GALNTL6: variants seen among roughly 807,000 people sequenced by gnomAD.
GALNTL6 encodes polypeptide N-acetylgalactosaminyltransferase-like 6.
Under a neutral mutation model 73.7 loss-of-function variants are expected in GALNTL6, and 46 were observed. That is an observed-to-expected ratio of 0.62 (90% CI 0.49 to 0.80). The LOEUF (loss-of-function observed/expected upper bound fraction) is 0.80. GALNTL6 is among the 30% of genes least tolerant of loss of function. The pLI is 0.00. For synonymous variants in GALNTL6, 259 were observed against 263.7 expected (o/e 0.98, Z 0.17); for missense variants, 604 against 755.0 (o/e 0.80, Z 2.34).
At chr4:171,839,500 A>C (rs1735187580) in intron 2 of GALNTL6, among the ~76,000 whole-genome samples, 1 of 152,026 alleles carries the variant, frequency 6.6e-6, no homozygotes, top group South Asian at 2.1e-4. Context: ...TAGTTTCTAC[A>C]TGTGTGTTGG....
intron 2 of GALNTL6, among the ~76,000 whole-genome samples, chr4:172,220,651 C>A (rs906397777): frequency 2.0e-5 from 3 of 151,782 alleles, no homozygotes; most frequent in African/African-American, 7.2e-5. Flanking sequence ...GAGCTTAAAA[C>A]ACCAACTCAG....
intron 5 of GALNTL6, among the ~76,000 whole-genome samples, chr4:172,499,892 G>T (rs1311465942): frequency 4.6e-5 from 7 of 152,106 alleles, no homozygotes; most frequent in Admixed American, 4.6e-4. Context: ...AATGAACGTA[G>T]GCATAGGGAA....
chr4:172,257,327 G>A (rs989728121), intron 3 of GALNTL6, among the ~76,000 whole-genome samples: 6 of 151,246 alleles, frequency 4.0e-5, no homozygotes, highest in South Asian at 2.1e-4. Context: ...AAAATCTACG[G>A]TCCTACTCAA....
Position 172,855,904 on chromosome 4 carries a change from G to A in GALNTL6, c.924-26886G>A, listed in dbSNP as rs189407568. On this transcript the variant is annotated intron_variant, in intron 7 of 12. Transcript: ENST00000506823. ...TGCAGCAAACGTCCCACTGTCTGTG[G>A]TGCAATCGACATAGGTCAACTTGTT... Among the ~76,000 whole-genome samples the A allele has an allele frequency of 2.3e-4, 35 of 152,294 alleles. No homozygotes were observed. The East Asian group carries it at 5.8e-3, about 25-fold the overall frequency.
intron 5 of GALNTL6, among the ~76,000 whole-genome samples, chr4:172,758,879 C>T (rs936508101): frequency 6.6e-6 from 1 of 152,200 alleles, no homozygotes; most frequent in Non-Finnish European, 1.5e-5. Context: ...CAGGCATCCA[C>T]TGGGATCTTG....
intron 10 of GALNTL6, among the ~76,000 whole-genome samples, chr4:172,979,101 G>A (rs576090591): frequency 1.3e-5 from 2 of 152,326 alleles, no homozygotes; most frequent in East Asian, 3.9e-4. Flanking sequence ...GGTACTAATA[G>A]TGGGTGTTGG....
At chr4:171,876,126 G>A (rs377736717) in intron 2 of GALNTL6, among the ~76,000 whole-genome samples, 15 of 152,004 alleles carry the variant, frequency 9.9e-5, no homozygotes, top group East Asian at 3.9e-4. Flanking sequence ...TTCAATAAAC[G>A]GATTCTTAGC....
intron 5 of GALNTL6, among the ~76,000 whole-genome samples, chr4:172,786,478 A>G (rs11939302): frequency 0.53 from 79,989 of 151,592 alleles, 21,713 homozygotes; most frequent in East Asian, 0.77. Context: ...TAATTTAAAA[A>G]ATTCTTTAAT....
At chr4:172,388,015 G>A (rs1743532274) in intron 5 of GALNTL6, among the ~76,000 whole-genome samples, 1 of 152,010 alleles carries the variant, frequency 6.6e-6, no homozygotes, top group Admixed American at 6.6e-5. Context: ...TCATCACAAA[G>A]TATAGTTACT....
chr4:173,007,572 C>T (rs561120916), intron 10 of GALNTL6, among the ~76,000 whole-genome samples: 1 of 151,968 alleles, frequency 6.6e-6, no homozygotes, highest in Admixed American at 6.5e-5. Flanking sequence ...TTTGGGAGGC[C>T]GAGGCAGGTG....
At chr4:172,039,282 A>G (rs1426466570) in intron 2 of GALNTL6, among the ~76,000 whole-genome samples, 1 of 152,174 alleles carries the variant, frequency 6.6e-6, no homozygotes, top group African/African-American at 2.4e-5. Context: ...TCAATGTGGT[A>G]TATTTTACAT....
intron 10 of GALNTL6, among the ~76,000 whole-genome samples, chr4:172,971,647 G>A (rs1750589104): frequency 6.6e-6 from 1 of 152,188 alleles, no homozygotes. Flanking sequence ...AATAGTTATA[G>A]CCAACTTTAG....
intron 5 of GALNTL6, among the ~76,000 whole-genome samples, chr4:172,658,325 G>A (rs1429048596): frequency 6.7e-6 from 1 of 149,540 alleles, no homozygotes; most frequent in East Asian, 2.0e-4. Flanking sequence ...AAATTAGCCG[G>A]GCGTGGTGGC....
intron 5 of GALNTL6, among the ~76,000 whole-genome samples, chr4:172,490,403 A>G (rs1184138352): frequency 6.6e-6 from 1 of 152,158 alleles, no homozygotes; most frequent in Non-Finnish European, 1.5e-5. Context: ...AATAATTTCT[A>G]ATATGTTACT....
At chr4:172,972,566 C>T (rs927911130) in intron 10 of GALNTL6, among the ~76,000 whole-genome samples, 5 of 152,190 alleles carry the variant, frequency 3.3e-5, no homozygotes, top group Non-Finnish European at 7.3e-5. Context: ...GTGAGCACAC[C>T]TAGCTCTCAA....
At chr4:172,612,513 A>G (rs1241108225) in intron 5 of GALNTL6, among the ~76,000 whole-genome samples, 1 of 151,764 alleles carries the variant, frequency 6.6e-6, no homozygotes, top group Non-Finnish European at 1.5e-5. Context: ...TCACAAACCT[A>G]CTCTTGAGTC....
At position 172,571,970 on chromosome 4, in the gene GALNTL6, C is replaced by A. The variant is rs181372949; in HGVS notation, c.553+223281C>A. Among the ~76,000 whole-genome samples, 136 of 152,240 alleles carry A rather than the reference C, an allele frequency of 8.9e-4. 2 individuals are homozygous for A. The highest frequency in any genetic ancestry group is 2.2e-4 in the Non-Finnish European group (15 of 68,002). On this transcript the variant is annotated intron_variant, in intron 5 of 12. Coordinates refer to ENST00000506823, the MANE Select transcript of GALNTL6 (RefSeq NM_001034845.3). ...CTGATCCTCCTTGAATGTGCTTTTC[C>A]CCCGTATTGTCAAATTTTCTATGTA...
chr4:172,533,762 A>G (rs1193675110), intron 5 of GALNTL6, among the ~76,000 whole-genome samples: 1 of 152,214 alleles, frequency 6.6e-6, no homozygotes, highest in Non-Finnish European at 1.5e-5. Flanking sequence ...CCTCATGGAA[A>G]TGATGTTATA....
Position 172,924,878 on chromosome 4 carries a change from T to C in GALNTL6, c.1042-6283T>C, listed in dbSNP as rs541116639. Among the ~76,000 whole-genome samples the C allele has an allele frequency of 4.6e-5, 7 of 152,212 alleles. No individual in the cohort carries two copies. In the South Asian group the frequency reaches 1.5e-3, roughly 32 times the overall value. ...AGATTTATGTTTTTTACTGTTTTGT[T>C]TTTTGTTTTTTCGAGACAGAGTTTG... On this transcript the variant is annotated intron_variant, in intron 8 of 12. Transcript: ENST00000506823.
Sources: gnomAD v4.1 joint callset for allele counts (sites outside exome capture counted in the v4.1 genomes callset) on GRCh38, gnomAD v4.1.1 for gene constraint, MANE v1.5 for transcripts, NCBI Gene and HGNC (gene_info 2026-07-23, HGNC 2026-07-21) for gene names.